The following GLG1 variants were observed in gnomAD, a reference collection of about 807,000 sequenced individuals.
GLG1 encodes golgi glycoprotein 1, also known as Golgi apparatus protein 1.
Under a neutral mutation model 160.5 loss-of-function variants are expected in GLG1, and 38 were observed. That is an observed-to-expected ratio of 0.24 (90% confidence interval 0.18 to 0.31). The LOEUF (loss-of-function observed/expected upper bound fraction) is 0.31. Among genes scored for constraint, GLG1 ranks in the 10% least tolerant of loss-of-function variants. The probability of loss-of-function intolerance (pLI) is 1.00; values close to 1 mark genes in which losing one functional copy is unlikely to be tolerated. For missense variants in GLG1, 1,373 were observed against 1,505.2 expected (o/e 0.91, Z 1.45); for synonymous variants, 644 against 543.4 (o/e 1.19, Z -2.57).
intron 8 of GLG1, among the ~76,000 whole-genome samples, chr16:74,488,181 GA>G (rs2015858851): frequency 6.6e-6 from 1 of 152,016 alleles, no homozygotes; most frequent in African/African-American, 2.4e-5. Flanking sequence ...AGAGAACAGG[GA>G]AAACTAATGG....
At chr16:74,595,769 T>C (rs1388102120) in intron 1 of GLG1, among the ~76,000 whole-genome samples, 6 of 152,224 alleles carry the variant, frequency 3.9e-5, no homozygotes, top group Admixed American at 2.0e-4. Context: ...AAAGTAAAAT[T>C]GATTTTGTAA....
chr16:74,522,103 T>A (rs2017182776), intron 2 of GLG1, among the ~76,000 whole-genome samples: 1 of 152,240 alleles, frequency 6.6e-6, no homozygotes, highest in Non-Finnish European at 1.5e-5. Flanking sequence ...TGCCTAGGCA[T>A]TTAGTTGATA....
At chr16:74,557,178 G>C (rs2018376805) in intron 1 of GLG1, among the ~76,000 whole-genome samples, 1 of 152,084 alleles carries the variant, frequency 6.6e-6, no homozygotes, top group Admixed American at 6.6e-5. Context: ...AGAAACCCAG[G>C]ACCTTTGATA....
intron 1 of GLG1, among the ~76,000 whole-genome samples, chr16:74,560,324 G>GTT (rs1276296759): frequency 8.4e-6 from 1 of 118,870 alleles, no homozygotes; most frequent in Non-Finnish European, 1.7e-5. Flanking sequence ...CTCAGTTTTT[G>GTT]TCTTTTTTTT....
intron 19 of GLG1, chr16:74,464,021 A>G (rs1164630056): frequency 6.5e-6 from 1 of 153,942 alleles, no homozygotes; most frequent in East Asian, 1.9e-4. Context: ...CCAAAAGCTG[A>G]TGAAAGCAGC....
intron 17 of GLG1, 66 bp from the exon 18 acceptor site, chr16:74,467,914 G>T: frequency 1.9e-6 from 2 of 1,062,026 alleles, no homozygotes; most frequent in Non-Finnish European, 1.4e-6. Context: ...ATGTTCTGGA[G>T]ACTTATTTGT....
chr16:74,483,881 G>C (rs948627451), intron 9 of GLG1, among the ~76,000 whole-genome samples: 2 of 151,948 alleles, frequency 1.3e-5, no homozygotes, highest in Non-Finnish European at 1.5e-5. Flanking sequence ...GGATGGTCTC[G>C]ATCTCCTGAC....
intron 1 of GLG1, among the ~76,000 whole-genome samples, chr16:74,550,446 G>T (rs900625607): frequency 6.6e-6 from 1 of 152,028 alleles, no homozygotes; most frequent in African/African-American, 2.4e-5. Context: ...TGTGTCCGCC[G>T]TGTGTGGGTT....
At chr16:74,503,820 A>C in intron 3 of GLG1, 74 bp from the exon 4 acceptor site, 1 of 990,026 alleles carries the variant, frequency 1.0e-6, no homozygotes, top group Admixed American at 2.2e-5. Context: ...AAAGAGAAAA[A>C]TGTCTGAAAT....
Position 74,468,902 on chromosome 16 carries a change from C to A in GLG1, c.2436+44G>T, listed in dbSNP as rs1041817303. 3 of 1,214,492 alleles carry A rather than the reference C, an allele frequency of 2.5e-6. No homozygotes were observed. The Admixed American group carries it at 5.0e-5, about 20-fold the overall frequency. The allele number at this position is 1,214,492 out of a possible 1,614,324, so 75.2% of individuals were successfully genotyped here. On this transcript the variant is annotated intron_variant, in intron 17 of 25. Transcript: ENST00000422840. ...TAGCCTCTCCCCAGCTTTCCAAGCC[C>A]TGGCCCACTGTGGTTTCTGGGAGCA...
At chr16:74,584,308 ACT>A (rs1229035934) in intron 1 of GLG1, among the ~76,000 whole-genome samples, 1 of 151,986 alleles carries the variant, frequency 6.6e-6, no homozygotes, top group Non-Finnish European at 1.5e-5. Context: ...GTTTTCTTTG[ACT>A]CTCCTTTATT....
At chr16:74,516,510 G>C (rs144339101) in intron 2 of GLG1, among the ~76,000 whole-genome samples, 101 of 152,246 alleles carry the variant, frequency 6.6e-4, no homozygotes, top group African/African-American at 2.3e-3. Context: ...AAACCAATGA[G>C]AACAAAGACA....
At chr16:74,488,712 C>T (rs1220628920) in intron 8 of GLG1, among the ~76,000 whole-genome samples, 1 of 152,008 alleles carries the variant, frequency 6.6e-6, no homozygotes, top group African/African-American at 2.4e-5. Context: ...CTCTGCTTCC[C>T]AGGTTCAAGC....
intron 19 of GLG1, among the ~76,000 whole-genome samples, chr16:74,465,061 A>C (rs1350922665): frequency 2.6e-5 from 4 of 151,950 alleles, no homozygotes; most frequent in Non-Finnish European, 5.9e-5. Flanking sequence ...CTGGTCTCGA[A>C]CTCCTGACCT....
chr16:74,555,709 G>C (rs2018332851), intron 1 of GLG1, among the ~76,000 whole-genome samples: 1 of 151,910 alleles, frequency 6.6e-6, no homozygotes, highest in Non-Finnish European at 1.5e-5. Context: ...GAAGAAAAAG[G>C]AAAGAAAGAA....
intron 2 of GLG1, among the ~76,000 whole-genome samples, chr16:74,523,336 C>T (rs1402911793): frequency 6.6e-6 from 1 of 152,114 alleles, no homozygotes; most frequent in Non-Finnish European, 1.5e-5. Context: ...CTGCTTCTAC[C>T]ACACTGCCTT....
At chr16:74,508,669 G>A (rs1377951433) in intron 3 of GLG1, among the ~76,000 whole-genome samples, 170 bp downstream of exon 3, 1 of 152,012 alleles carries the variant, frequency 6.6e-6, no homozygotes. Context: ...AGCGTAGGTG[G>A]ACATTAACAA....
intron 22 of GLG1, among the ~76,000 whole-genome samples, chr16:74,460,642 G>A (rs1286681663): frequency 6.6e-6 from 1 of 152,172 alleles, no homozygotes; most frequent in Non-Finnish European, 1.5e-5. Context: ...CTGTGCCAGG[G>A]CTCATCACAA....
intron 8 of GLG1, among the ~76,000 whole-genome samples, chr16:74,489,424 T>C (rs1385775272): frequency 6.6e-6 from 1 of 151,454 alleles, no homozygotes; most frequent in Non-Finnish European, 1.5e-5. Context: ...TGAGCAGAGG[T>C]TGCGCCATTA....
Sources: gnomAD v4.1 joint callset for allele counts (sites outside exome capture counted in the v4.1 genomes callset) on GRCh38, gnomAD v4.1.1 for gene constraint, MANE v1.5 for transcripts, NCBI Gene and HGNC (gene_info 2026-07-23, HGNC 2026-07-21) for gene names.